VTI1A: variants seen among roughly 807,000 people sequenced by gnomAD.
VTI1A encodes vesicle transport through interaction with t-SNAREs 1A.
VTI1A carries 22 observed loss-of-function variants against 34.9 expected under a neutral mutation model. That is an observed-to-expected ratio of 0.63 (90% CI 0.45 to 0.90). The LOEUF is 0.90. Among genes scored for constraint, VTI1A ranks in the 40% least tolerant of loss-of-function variants. The pLI, the probability that VTI1A is intolerant of heterozygous loss-of-function variation, is 0.00. For synonymous variants in VTI1A, 87 were observed against 97.3 expected, an observed-to-expected ratio of 0.89 and a Z score of 0.62; for missense variants, 268 against 275.6, an observed-to-expected ratio of 0.97 and a Z score of 0.20.
intron 5 of VTI1A, among the ~76,000 whole-genome samples, chr10:112,564,152 G>A (rs1476857088): frequency 6.7e-6 from 1 of 149,456 alleles, no homozygotes. Context: ...ATCTGACCTT[G>A]AGGGAGAGAA....
intron 5 of VTI1A, among the ~76,000 whole-genome samples, chr10:112,596,276 A>G (rs1023759214): frequency 4.6e-5 from 7 of 151,366 alleles, no homozygotes. Flanking sequence ...ACTAACCTGC[A>G]TATTGTGCAC....
intron 5 of VTI1A, among the ~76,000 whole-genome samples, chr10:112,548,276 G>A (rs1305012327): frequency 6.6e-6 from 1 of 151,988 alleles, no homozygotes; most frequent in Admixed American, 6.5e-5. Context: ...ATCTGTTGAG[G>A]CAGTTTTTAT....
At chr10:112,626,645 G>A (rs562160789) in intron 5 of VTI1A, among the ~76,000 whole-genome samples, 26 of 151,996 alleles carry the variant, frequency 1.7e-4, no homozygotes, top group Non-Finnish European at 2.2e-4. Flanking sequence ...AACTCTAGCC[G>A]CTTACAAAGG....
chr10:112,689,274 C>T (rs1848532860), intron 7 of VTI1A, among the ~76,000 whole-genome samples: 1 of 152,198 alleles, frequency 6.6e-6, no homozygotes, highest in Non-Finnish European at 1.5e-5. Flanking sequence ...GTTAAGGCTC[C>T]ATGCATTGTC....
At chr10:112,807,484 CCT>C (rs1332376611) in intron 7 of VTI1A, among the ~76,000 whole-genome samples, 1 of 152,136 alleles carries the variant, frequency 6.6e-6, no homozygotes, top group Non-Finnish European at 1.5e-5. Context: ...TTCACGTGCC[CCT>C]CTTTGTCCTC....
At chr10:112,451,857 T>C (rs1367385160) in intron 1 of VTI1A, among the ~76,000 whole-genome samples, 1 of 152,232 alleles carries the variant, frequency 6.6e-6, no homozygotes, top group Non-Finnish European at 1.5e-5. Context: ...AGCTGTAATA[T>C]CTACGTGTAG....
intron 7 of VTI1A, among the ~76,000 whole-genome samples, chr10:112,727,264 C>T (rs949450118): frequency 4.6e-5 from 7 of 152,154 alleles, no homozygotes; most frequent in Admixed American, 1.3e-4. Flanking sequence ...ACCCTACTAC[C>T]TTGTTGTTTT....
At chr10:112,682,783 C>T (rs923037712) in intron 7 of VTI1A, among the ~76,000 whole-genome samples, 1 of 152,192 alleles carries the variant, frequency 6.6e-6, no homozygotes, top group Admixed American at 6.5e-5. Context: ...GGCCATCAGA[C>T]AGGTGGGGAA....
At chr10:112,753,920 C>A (rs1406496551) in intron 7 of VTI1A, among the ~76,000 whole-genome samples, 1 of 152,106 alleles carries the variant, frequency 6.6e-6, no homozygotes, top group South Asian at 2.1e-4. Context: ...GCATCCTTTC[C>A]ACCATCAAGT....
intron 7 of VTI1A, among the ~76,000 whole-genome samples, chr10:112,784,393 A>T (rs962591244): frequency 6.6e-6 from 1 of 152,208 alleles, no homozygotes; most frequent in East Asian, 1.9e-4. Context: ...GGGCAGCTCA[A>T]ATTTCAGTGT....
At chr10:112,665,677 C>T (rs1457472716) in intron 5 of VTI1A, among the ~76,000 whole-genome samples, 4 of 152,138 alleles carry the variant, frequency 2.6e-5, no homozygotes, top group Non-Finnish European at 5.9e-5. Flanking sequence ...GTAGAGTTTT[C>T]CCCTCGGCGA....
At chr10:112,500,607 G>T (rs946072243) in intron 3 of VTI1A, among the ~76,000 whole-genome samples, 1 of 152,038 alleles carries the variant, frequency 6.6e-6, no homozygotes, top group African/African-American at 2.4e-5. Flanking sequence ...AACATATTTT[G>T]TCTGGGTCCC....
At chr10:112,681,025 G>A (rs1361621269) in intron 7 of VTI1A, among the ~76,000 whole-genome samples, 2 of 151,130 alleles carry the variant, frequency 1.3e-5, no homozygotes, top group Admixed American at 1.3e-4. Flanking sequence ...TTAATATAAT[G>A]TGAAAGCTTC....
At chr10:112,689,511 A>G (rs1203824408) in intron 7 of VTI1A, among the ~76,000 whole-genome samples, 1 of 152,204 alleles carries the variant, frequency 6.6e-6, no homozygotes. Context: ...GCCAGGGGGC[A>G]GCATGGGAGC....
chr10:112,806,169 C>G (rs966735926), intron 7 of VTI1A, among the ~76,000 whole-genome samples: 4 of 152,198 alleles, frequency 2.6e-5, no homozygotes, highest in Non-Finnish European at 5.9e-5. Context: ...CCCAGTCCCT[C>G]AGGTCTCTCG....
chr10:112,561,617 CT>C (rs1851728414), intron 5 of VTI1A, among the ~76,000 whole-genome samples: 1 of 151,998 alleles, frequency 6.6e-6, no homozygotes, highest in African/African-American at 2.4e-5. Flanking sequence ...AAACTGGTTA[CT>C]TTTTATTTAA....
At chr10:112,494,078 A>C (rs2134132899) in intron 3 of VTI1A, among the ~76,000 whole-genome samples, 1 of 152,276 alleles carries the variant, frequency 6.6e-6, no homozygotes, top group Non-Finnish European at 1.5e-5. Flanking sequence ...CAGTGAAGCC[A>C]CTTGAGTCTG....
At chr10:112,500,302 G>A (rs1203383593) in intron 3 of VTI1A, among the ~76,000 whole-genome samples, 2 of 152,028 alleles carry the variant, frequency 1.3e-5, no homozygotes, top group African/African-American at 4.8e-5. Flanking sequence ...GGGTGTGGAG[G>A]CTCGCGCCTG....
At chr10:112,837,615 A>G in the VTI1A span, among the ~76,000 whole-genome samples, 1 of 152,140 alleles carries the variant, frequency 6.6e-6, no homozygotes, top group Non-Finnish European at 1.5e-5. Flanking sequence ...CTGGGCCTCA[A>G]TTTGCTGATC....
Sources: gnomAD v4.1 joint callset for allele counts (sites outside exome capture counted in the v4.1 genomes callset) on GRCh38, gnomAD v4.1.1 for gene constraint, MANE v1.5 for transcripts, NCBI Gene and HGNC (gene_info 2026-07-23, HGNC 2026-07-21) for gene names.